The following ZNF681 variants were observed in gnomAD, a reference collection of about 807,000 sequenced individuals.
The protein encoded by ZNF681 is zinc finger protein 681.
ZNF681 carries 37 observed loss-of-function variants against 56.0 expected under a neutral mutation model. That is an observed-to-expected ratio of 0.66 (90% confidence interval 0.51 to 0.87). The LOEUF (loss-of-function observed/expected upper bound fraction) is 0.87, where lower values mean the gene tolerates loss of function less well. Among genes scored for constraint, ZNF681 ranks in the 40% least tolerant of loss-of-function variants. The pLI is 0.00. For synonymous variants in ZNF681, 225 were observed against 248.6 expected (o/e 0.91, Z 0.89); for missense variants, 741 against 744.9 (o/e 0.99, Z 0.06).
At position 23,743,620 on chromosome 19, in the gene ZNF681, T is replaced by G. The variant is rs969413724; in HGVS notation, c.1930A>C (p.Lys644Gln). ...TTACATTCTTCACATTTCTAAGATT[T>G]CTCACCAGCATAATTTCTTTTATGT... ...SKHKRNYAGE[K>Q]S The change falls in exon 4 of 4, where the codon AAA becomes CAA. Residue 644 changes from lysine (K) to glutamine (Q), a missense_variant. Physicochemically the swap from Lys to Gln is moderately conservative, Grantham distance 53. Coordinates refer to ENST00000402377, the MANE Select transcript of ZNF681 (RefSeq NM_138286.3). 15 of 1,490,286 alleles carry G rather than the reference T, an allele frequency of 1.0e-5. No individual in the cohort carries two copies. The highest frequency in any genetic ancestry group is 1.3e-5 in the Non-Finnish European group (15 of 1,121,148). The allele number at this position is 1,490,286 out of a possible 1,614,324, so 92.3% of individuals were successfully genotyped here.
rs1968927641 is a variant in ZNF681, at chr19:23,745,192, A to C, written c.358T>G (p.Cys120Gly). 1 of 1,612,864 alleles carries C rather than the reference A, an allele frequency of 6.2e-7. No individual in the cohort carries two copies. The highest frequency in any genetic ancestry group is 2.2e-5 in the East Asian group (1 of 44,816). ...TTATAACCTCCTTTTTGCACTTTGC[A>C]CTCATCCACACTTTTACTTAACTGT... ...NLQLSKSVDECKVQKGGYNGL... is the reference protein window; with the variant it reads ...NLQLSKSVDEGKVQKGGYNGL... The change falls in exon 4 of 4, where the codon TGC becomes GGC. Residue 120 changes from cysteine (C) to glycine (G), a missense_variant. Coordinates refer to ENST00000402377, the MANE Select transcript of ZNF681 (RefSeq NM_138286.3).
intron 1 of ZNF681, among the ~76,000 whole-genome samples, chr19:23,756,403 A>G (rs527758595): frequency 2.0e-5 from 3 of 152,224 alleles, no homozygotes; most frequent in East Asian, 3.9e-4. Context: ...ATACCCATCA[A>G]TGATAGAATG....
rs776757398 is a variant in ZNF681 at position 23,743,712 on chromosome 19, G to A, written c.1838C>T (p.Thr613Ile). 1 of 1,611,956 alleles carries A rather than the reference G, an allele frequency of 6.2e-7. No homozygotes were observed. Among genetic ancestry groups the A allele is most frequent in the South Asian group, 1.1e-5 (1 of 90,698 alleles). The part of the protein sequence containing the change: ...SNLTGHKKIH[T>I]GEKLYKPKRC... ...TTTAGGTTTGTAGAGTTTCTCACCAGTATGAATTTTCTTATGTCCAGTAAG... is the reference window on the plus strand; with the variant it reads ...TTTAGGTTTGTAGAGTTTCTCACCAATATGAATTTTCTTATGTCCAGTAAG... Residue 613 changes from threonine (T) to isoleucine (I), a missense_variant, in exon 4 of 4, where the codon ACT (threonine) becomes ATT (isoleucine). Thr to Ile is a moderately conservative substitution (Grantham distance 89, BLOSUM62 -1). Transcript: ENST00000402377.
At position 23,743,753 on chromosome 19, in the gene ZNF681, A is replaced by G. The variant is rs751032199; in HGVS notation, c.1797T>C (p.Phe599=). 1 of 1,613,818 alleles carries G rather than the reference A, an allele frequency of 6.2e-7. No individual in the cohort carries two copies. The highest frequency in any genetic ancestry group is 8.5e-7 in the Non-Finnish European group (1 of 1,179,848). ...GTCCAGTAAGGTTTGAGGACTGGTTAAAAGCTTTGCCACATTTTTCACATT... is the reference window on the plus strand; with the variant it reads ...GTCCAGTAAGGTTTGAGGACTGGTTGAAAGCTTTGCCACATTTTTCACATT... ...PYQCEKCGKA[F]NQSSNLTGHK... The change falls in exon 4 of 4, where the codon TTT becomes TTC. Residue 599 remains phenylalanine, a synonymous_variant. Coordinates refer to ENST00000402377, the MANE Select transcript of ZNF681 (RefSeq NM_138286.3).
intron 1 of ZNF681, among the ~76,000 whole-genome samples, chr19:23,755,956 G>C (rs1220514815): frequency 6.6e-6 from 1 of 152,046 alleles, no homozygotes; most frequent in African/African-American, 2.4e-5. Flanking sequence ...CAAGGATCTA[G>C]GAACAGAAAT....
rs1449666814 is a variant in ZNF681, at chr19:23,739,681, AC to A, written c.*3930del. On this transcript the variant is annotated 3_prime_UTR_variant, in exon 4 of 4. Transcript: ENST00000402377. The stretch of plus-strand genomic sequence containing the variant: ...ACTGGCCACTCTGTGAACACAGTAA[AC>A]AAGTTTGCACGCAAAATAATAGAAA... 1 of 152,196 alleles carries A rather than the reference AC, an allele frequency of 6.6e-6. No homozygotes were observed. Among genetic ancestry groups the A allele is most frequent in the Non-Finnish European group, 1.5e-5 (1 of 68,038 alleles). The allele number at this position is 152,196 out of a possible 1,614,324, so 9.4% of individuals were successfully genotyped here. A position where few individuals can be genotyped will look rare whatever the true frequency, so the allele number is the denominator to read the frequency against.
rs184576052 is a variant in ZNF681 at position 23,748,062 on chromosome 19, A to G, written c.227-2739T>C. Among the ~76,000 whole-genome samples the G allele has an allele frequency of 1.6e-4, 24 of 152,220 alleles. 2 individuals carry two copies. In the East Asian group the frequency reaches 4.6e-3, roughly 29 times the overall value. On this transcript the variant is annotated intron_variant, in intron 3 of 3. Transcript: ENST00000402377. ...TAACTAATAAATCTCTTAGAAAAAA[A>G]GAGAAATGACATGACGTTGTTCTTG... is the stretch of plus-strand genomic sequence containing the variant.
At position 23,741,749 on chromosome 19, in the gene ZNF681, TAATACAAACA is replaced by T. The variant is rs1439463623; in HGVS notation, c.*1853_*1862del. 3.3e-5 allele frequency: 5 copies of T among 152,176 alleles called. No individual in the cohort carries two copies. Among genetic ancestry groups the T allele is most frequent in the East Asian group, 1.9e-4 (1 of 5,176 alleles). 9.4% of individuals were successfully genotyped at this position (152,176 alleles called of 1,614,324 possible). A position where few individuals can be genotyped will look rare whatever the true frequency, so the allele number is the denominator to read the frequency against. On this transcript the variant is annotated 3_prime_UTR_variant, in exon 4 of 4. Transcript: ENST00000402377. ...AACCGAAAAGTGCAGAATTAGTTTATAATACAAACAAATACAAACAATAAATGCTGCAGGT... is the reference window on the plus strand; with the variant it reads ...AACCGAAAAGTGCAGAATTAGTTTATAATACAAACAATAAATGCTGCAGGT...
At chr19:23,754,598 G>A (rs1969086223) in intron 3 of ZNF681, among the ~76,000 whole-genome samples, 1 of 152,182 alleles carries the variant, frequency 6.6e-6, no homozygotes, top group African/African-American at 2.4e-5. Context: ...CCTGGAGATG[G>A]AGGTTGCAGT....
chr19:23,739,866 T>C lies in ZNF681; in HGVS notation c.*3746A>G, dbSNP rs1237544532. On this transcript the variant is annotated 3_prime_UTR_variant, in exon 4 of 4. Transcript: ENST00000402377. Reference sequence around the variant, plus strand: ...GAGAAAATTTCTTCAAATTGTAATATGAATATGGAAAAGAAATATTACTCC... The same window carrying C: ...GAGAAAATTTCTTCAAATTGTAATACGAATATGGAAAAGAAATATTACTCC... 1 of 152,156 alleles carries C rather than the reference T, an allele frequency of 6.6e-6. No homozygotes were observed. The highest frequency in any genetic ancestry group is 2.4e-5 in the African/African-American group (1 of 41,448). 9.4% of individuals were successfully genotyped at this position (152,156 alleles called of 1,614,324 possible).
At chr19:23,752,840 C>T (rs887995854) in intron 3 of ZNF681, among the ~76,000 whole-genome samples, 4 of 152,136 alleles carry the variant, frequency 2.6e-5, no homozygotes, top group Non-Finnish European at 5.9e-5. Context: ...TATATTTTGC[C>T]TATCGTCAAT....
intron 3 of ZNF681, among the ~76,000 whole-genome samples, chr19:23,750,006 C>T (rs1021247002): frequency 8.6e-5 from 13 of 150,960 alleles, no homozygotes; most frequent in South Asian, 2.1e-4. Flanking sequence ...AAAAAAGGGC[C>T]GGGCACCGTG....
intron 3 of ZNF681, among the ~76,000 whole-genome samples, chr19:23,752,842 A>G (rs1305447777): frequency 2.0e-5 from 3 of 152,184 alleles, no homozygotes; most frequent in Non-Finnish European, 2.9e-5. Flanking sequence ...TATTTTGCCT[A>G]TCGTCAATGC....
chr19:23,744,748 G>C lies in ZNF681; in HGVS notation c.802C>G (p.His268Asp). ...TGAATTATTGTATGTGTTGTAATGT[G>C]TGACGACAGGTTAAAGGCTTTGCTA... ...ECSKAFNLSSHITTHTIIHTG... is the reference protein window; with the variant it reads ...ECSKAFNLSSDITTHTIIHTG... Residue 268 changes from histidine (H) to aspartate (D), a missense_variant, in exon 4 of 4, where the codon CAC (histidine) becomes GAC (aspartate). By Grantham distance (81) the His-to-Asp change is moderately conservative (BLOSUM62 -1). Coordinates refer to ENST00000402377, the MANE Select transcript of ZNF681 (RefSeq NM_138286.3). The C allele has an allele frequency of 6.2e-7, 1 of 1,613,400 alleles. No homozygotes were observed. The highest frequency in any genetic ancestry group is 8.5e-7 in the Non-Finnish European group (1 of 1,179,664).
chr19:23,748,063 G>C (rs1968971377), intron 3 of ZNF681, among the ~76,000 whole-genome samples: 1 of 151,858 alleles, frequency 6.6e-6, no homozygotes. Flanking sequence ...TAGAAAAAAA[G>C]AGAAATGACA....
At chr19:23,746,620 G>A (rs1968948661) in intron 3 of ZNF681, among the ~76,000 whole-genome samples, 1 of 152,152 alleles carries the variant, frequency 6.6e-6, no homozygotes. Flanking sequence ...TTGCCCCCAT[G>A]ACTAGAACAC....
At chr19:23,756,021 A>C (rs1197484579) in intron 1 of ZNF681, among the ~76,000 whole-genome samples, 1 of 152,094 alleles carries the variant, frequency 6.6e-6, no homozygotes, top group Non-Finnish European at 1.5e-5. Context: ...AATATAAATA[A>C]TTCTACTATA....
intron 3 of ZNF681, among the ~76,000 whole-genome samples, chr19:23,748,750 A>C (rs920940138): frequency 1.3e-5 from 2 of 152,198 alleles, no homozygotes; most frequent in Non-Finnish European, 1.5e-5. Context: ...AAATACAAAA[A>C]TTGGAAAAAG....
intron 1 of ZNF681, among the ~76,000 whole-genome samples, chr19:23,756,142 G>T (rs1969114057): frequency 6.6e-6 from 1 of 152,022 alleles, no homozygotes; most frequent in Non-Finnish European, 1.5e-5. Context: ...TGGCTAACCT[G>T]GTGAAACCCC....
Sources: gnomAD v4.1 joint callset for allele counts (sites outside exome capture counted in the v4.1 genomes callset) on GRCh38, gnomAD v4.1.1 for gene constraint, MANE v1.5 for transcripts, NCBI Gene and HGNC (gene_info 2026-07-23, HGNC 2026-07-21) for gene names.